The following CDH13 variants were observed in gnomAD, a reference collection of about 807,000 sequenced individuals.
CDH13 encodes cadherin-13.
In CDH13, 24 loss-of-function variants were observed where a neutral mutation model predicts 63.8. That is an observed-to-expected ratio of 0.38 (90% confidence interval 0.27 to 0.53). The LOEUF is 0.53. Ranked by LOEUF, CDH13 falls within the 20% of genes least tolerant of loss-of-function variation. The pLI is 0.85. For synonymous variants in CDH13, 503 were observed against 355.3 expected (o/e 1.42, Z -4.67); for missense variants, 1,049 against 903.1 (o/e 1.16, Z -2.07).
intron 11 of CDH13, among the ~76,000 whole-genome samples, chr16:83,757,302 G>T (rs959657769): frequency 4.6e-5 from 7 of 152,180 alleles, no homozygotes; most frequent in African/African-American, 1.7e-4. Context: ...TCCAGGCTGG[G>T]CACGGTGGCT....
intron 6 of CDH13, among the ~76,000 whole-genome samples, chr16:83,346,138 T>A (rs1481372042): frequency 6.6e-6 from 1 of 152,088 alleles, no homozygotes; most frequent in Non-Finnish European, 1.5e-5. Flanking sequence ...ATGCGCTCCG[T>A]AAAAATGAAA....
intron 10 of CDH13, among the ~76,000 whole-genome samples, chr16:83,706,780 G>T (rs772312673): frequency 6.6e-6 from 1 of 152,200 alleles, no homozygotes; most frequent in Non-Finnish European, 1.5e-5. Context: ...CTGCTTCAGC[G>T]ATCTAGGTTC....
intron 1 of CDH13, among the ~76,000 whole-genome samples, chr16:82,731,843 G>A (rs2033419537): frequency 1.3e-5 from 2 of 152,112 alleles, no homozygotes; most frequent in Admixed American, 1.3e-4. Context: ...TATGTGCCTG[G>A]ACATGCCTAT....
chr16:83,557,102 G>C (rs1203379390), intron 7 of CDH13, among the ~76,000 whole-genome samples: 1 of 152,174 alleles, frequency 6.6e-6, no homozygotes, highest in Non-Finnish European at 1.5e-5. Flanking sequence ...CCTCCTGTCA[G>C]ATGAGTGGCA....
chr16:83,495,488 CT>C (rs2074114717), intron 7 of CDH13, among the ~76,000 whole-genome samples: 1 of 152,118 alleles, frequency 6.6e-6, no homozygotes, highest in Non-Finnish European at 1.5e-5. Context: ...TCTTGTCAGA[CT>C]TTAAAAGGTA....
intron 3 of CDH13, among the ~76,000 whole-genome samples, chr16:83,074,299 G>T (rs2032665965): frequency 1.3e-5 from 2 of 152,124 alleles, no homozygotes; most frequent in South Asian, 4.1e-4. Flanking sequence ...GTTCCATTAA[G>T]GTTGCAGCAA....
chr16:83,227,894 A>T (rs1245710444), intron 5 of CDH13, among the ~76,000 whole-genome samples: 2 of 152,156 alleles, frequency 1.3e-5, no homozygotes, highest in Non-Finnish European at 2.9e-5. Context: ...AGTGCTGGGG[A>T]TACAGCAGCA....
At chr16:83,615,363 A>C (rs376493216) in intron 8 of CDH13, among the ~76,000 whole-genome samples, 1 of 152,168 alleles carries the variant, frequency 6.6e-6, no homozygotes, top group Non-Finnish European at 1.5e-5. Flanking sequence ...CATTTCAATT[A>C]TCTGACTCAA....
chr16:82,796,459 A>G (rs1368276150), intron 1 of CDH13, among the ~76,000 whole-genome samples: 1 of 152,184 alleles, frequency 6.6e-6, no homozygotes, highest in East Asian at 1.9e-4. Flanking sequence ...GCACTCTAGG[A>G]GCTGTGATTT....
intron 7 of CDH13, among the ~76,000 whole-genome samples, chr16:83,557,993 C>T (rs983023886): frequency 1.3e-5 from 2 of 152,080 alleles, no homozygotes; most frequent in Non-Finnish European, 1.5e-5. Flanking sequence ...TTTGCTGAGA[C>T]CTGGGGGGCA....
At chr16:83,399,604 G>A (rs1022311869) in intron 6 of CDH13, among the ~76,000 whole-genome samples, 4 of 152,070 alleles carry the variant, frequency 2.6e-5, no homozygotes, top group African/African-American at 4.8e-5. Context: ...GGACTCACTC[G>A]TAACCAGTAG....
chr16:83,059,237 C>G (rs1429506541), intron 3 of CDH13, among the ~76,000 whole-genome samples: 1 of 152,182 alleles, frequency 6.6e-6, no homozygotes, highest in East Asian at 1.9e-4. Flanking sequence ...TCAGAGTCAT[C>G]CACCTGAAAA....
chr16:82,941,778 G>T (rs538199536), intron 2 of CDH13, among the ~76,000 whole-genome samples: 1 of 152,134 alleles, frequency 6.6e-6, no homozygotes, highest in African/African-American at 2.4e-5. Flanking sequence ...GTATATGGGG[G>T]CTATCACATG....
chr16:82,829,709 T>C (rs2038438329), intron 1 of CDH13: 1 of 152,190 alleles, frequency 6.6e-6, no homozygotes, highest in Admixed American at 6.5e-5. Context: ...ACAGAACTAA[T>C]TGCTTACTAG....
chr16:83,543,685 G>T (rs560680760), intron 7 of CDH13, among the ~76,000 whole-genome samples: 1 of 152,136 alleles, frequency 6.6e-6, no homozygotes, highest in Non-Finnish European at 1.5e-5. Flanking sequence ...GTTGTCTGTC[G>T]TGAGAGCAGA....
intron 1 of CDH13, among the ~76,000 whole-genome samples, chr16:82,628,142 G>C (rs1286501838): frequency 6.6e-6 from 1 of 152,224 alleles, no homozygotes; most frequent in African/African-American, 2.4e-5. Context: ...CACGCCCTGC[G>C]CTGCTCAGGG....
intron 10 of CDH13, among the ~76,000 whole-genome samples, chr16:83,689,804 C>T (rs1007415865): frequency 1.9e-4 from 29 of 152,166 alleles, no homozygotes; most frequent in African/African-American, 6.3e-4. Context: ...GACCGGAAAA[C>T]CTCTCTCTCC....
chr16:82,947,660 G>A (rs1904879216), intron 2 of CDH13, among the ~76,000 whole-genome samples: 1 of 152,088 alleles, frequency 6.6e-6, no homozygotes, highest in South Asian at 2.1e-4. Flanking sequence ...AATATCAAAA[G>A]CCATAACTAG....
chr16:83,518,941 G>T (rs1019353633), intron 7 of CDH13, among the ~76,000 whole-genome samples: 2 of 152,122 alleles, frequency 1.3e-5, no homozygotes, highest in African/African-American at 4.8e-5. Context: ...AAATTACCCA[G>T]TCTCTGGTAT....
Sources: allele counts gnomAD v4.1 joint callset (sites outside exome capture counted in the v4.1 genomes callset), GRCh38; gene constraint gnomAD v4.1.1; transcripts MANE v1.5; gene names NCBI Gene and HGNC (gene_info 2026-07-23, HGNC 2026-07-21).